The following KAZN variants were observed in gnomAD, a reference collection of about 807,000 sequenced individuals.
KAZN encodes the protein kazrin, periplakin interacting protein.
A neutral mutation model predicts 87.4 loss-of-function variants in KAZN; 40 were observed. The ratio of observed to expected loss-of-function variants is 0.46; its 90% CI spans 0.36 to 0.60. The LOEUF (loss-of-function observed/expected upper bound fraction) is 0.60, where lower values mean the gene tolerates loss of function less well. KAZN is among the 20% of genes least tolerant of loss of function. The probability of loss-of-function intolerance (pLI) is 0.00; values close to 1 mark genes in which losing one functional copy is unlikely to be tolerated. For missense variants in KAZN, 898 were observed against 1,073.9 expected (o/e 0.84, Z 2.29); for synonymous variants, 466 against 458.3 (o/e 1.02, Z -0.22).
intron 1 of KAZN, among the ~76,000 whole-genome samples, chr1:14,106,757 T>C (rs181010085): frequency 2.6e-5 from 4 of 152,296 alleles, no homozygotes; most frequent in Non-Finnish European, 4.4e-5. Context: ...TCCCAGAAGA[T>C]GTGAATGATA....
intron 1 of KAZN, among the ~76,000 whole-genome samples, chr1:14,834,697 G>A (rs144711652): frequency 0.011 from 1,703 of 152,254 alleles, 18 homozygotes; most frequent in Non-Finnish European, 0.016. Context: ...TTATGTGCTC[G>A]ACAAATTTGT....
At chr1:13,930,529 C>G (rs1386242120) in intron 1 of KAZN, among the ~76,000 whole-genome samples, 1 of 152,214 alleles carries the variant, frequency 6.6e-6, no homozygotes, top group Non-Finnish European at 1.5e-5. Context: ...GTCTCCCCTT[C>G]CATTGAGCAT....
At chr1:13,917,104 A>G (rs563618467) in intron 1 of KAZN, among the ~76,000 whole-genome samples, 1 of 152,324 alleles carries the variant, frequency 6.6e-6, no homozygotes, top group African/African-American at 2.4e-5. Context: ...GCACACGTGC[A>G]TGCATGCACG....
intron 1 of KAZN, among the ~76,000 whole-genome samples, chr1:14,123,656 C>T (rs574989533): frequency 4.2e-4 from 64 of 152,264 alleles, no homozygotes; most frequent in Non-Finnish European, 6.9e-4. Context: ...CCTGGATGGC[C>T]GCAATCACCT....
chr1:14,728,799 C>G (rs1643540341), intron 1 of KAZN, among the ~76,000 whole-genome samples: 1 of 152,164 alleles, frequency 6.6e-6, no homozygotes, highest in Non-Finnish European at 1.5e-5. Context: ...GTGAAGGCCT[C>G]CAGACCACAG....
chr1:14,593,165 C>T (rs1450323453), intron 2 of KAZN, among the ~76,000 whole-genome samples: 3 of 152,200 alleles, frequency 2.0e-5, no homozygotes, highest in Non-Finnish European at 4.4e-5. Flanking sequence ...AATAAGAGAA[C>T]TGTGAAAGTG....
At chr1:13,999,644 G>T (rs551329082) in intron 1 of KAZN, among the ~76,000 whole-genome samples, 1 of 152,176 alleles carries the variant, frequency 6.6e-6, no homozygotes, top group East Asian at 1.9e-4. Context: ...AATTTAAAGA[G>T]CTAGAGTGAA....
At chr1:14,588,895 G>C (rs1195321904) in intron 2 of KAZN, among the ~76,000 whole-genome samples, 2 of 152,174 alleles carry the variant, frequency 1.3e-5, no homozygotes, top group Non-Finnish European at 2.9e-5. Context: ...TTGTTTCAGA[G>C]CCTGGACAGG....
intron 2 of KAZN, among the ~76,000 whole-genome samples, chr1:14,217,808 T>A (rs1460558532): frequency 6.6e-6 from 1 of 152,060 alleles, no homozygotes; most frequent in African/African-American, 2.4e-5. Context: ...AAAGATCAAA[T>A]CACTTATAAT....
intron 1 of KAZN, among the ~76,000 whole-genome samples, chr1:14,890,743 G>A (rs540259874): frequency 4.7e-4 from 71 of 151,972 alleles, no homozygotes; most frequent in Non-Finnish European, 7.9e-4. Flanking sequence ...TGCCCAGGCA[G>A]GTCTCAAACT....
At chr1:14,657,717 G>A (rs982082190) in intron 1 of KAZN, among the ~76,000 whole-genome samples, 18 of 152,098 alleles carry the variant, frequency 1.2e-4, no homozygotes, top group Admixed American at 7.2e-4. Context: ...CTTGAGACAG[G>A]GACAAGTCCT....
At chr1:14,666,796 G>A (rs1025401721) in intron 1 of KAZN, among the ~76,000 whole-genome samples, 4 of 152,036 alleles carry the variant, frequency 2.6e-5, no homozygotes, top group African/African-American at 7.2e-5. Flanking sequence ...GGAGTGCAGT[G>A]GCATGGTCTT....
intron 2 of KAZN, among the ~76,000 whole-genome samples, chr1:14,359,350 CCTGAATACAGCACACTGATGGGTCTT>C (rs1312705168): frequency 6.6e-6 from 1 of 152,070 alleles, no homozygotes; most frequent in African/African-American, 2.4e-5. Flanking sequence ...AGATGGGTCT[CCTGAATACAGCACACTGATGGGTCTT>C]GACTCTTTAT....
At chr1:14,722,777 C>T (rs1643185566) in intron 1 of KAZN, among the ~76,000 whole-genome samples, 1 of 152,150 alleles carries the variant, frequency 6.6e-6, no homozygotes, top group African/African-American at 2.4e-5. Context: ...CCTAGATTCC[C>T]TTCCCCAGCC....
chr1:14,886,463 C>CAGAG (rs1553151165), intron 1 of KAZN, among the ~76,000 whole-genome samples: 26 of 135,992 alleles, frequency 1.9e-4, no homozygotes, highest in African/African-American at 6.5e-4. Context: ...CACACACACA[C>CAGAG]AGAGAGAGAC....
chr1:14,977,547 C>T (rs995323215), intron 2 of KAZN, among the ~76,000 whole-genome samples: 1 of 152,262 alleles, frequency 6.6e-6, no homozygotes, highest in Non-Finnish European at 1.5e-5. Flanking sequence ...GTGAGTGTCG[C>T]GCTCTGCTGC....
At chr1:14,537,626 A>C (rs868802) in intron 2 of KAZN, among the ~76,000 whole-genome samples, 67,399 of 151,832 alleles carry the variant, frequency 0.44, 15,309 homozygotes, top group Middle Eastern at 0.57. Flanking sequence ...TCCTGAAATG[A>C]GGATGATTAT....
intron 8 of KAZN, among the ~76,000 whole-genome samples, chr1:15,090,321 A>G (rs1273117784): frequency 6.6e-6 from 1 of 152,208 alleles, no homozygotes; most frequent in Non-Finnish European, 1.5e-5. Context: ...GCAGAATAAA[A>G]CAGAGTGAAG....
intron 1 of KAZN, among the ~76,000 whole-genome samples, chr1:14,757,799 C>T (rs1049673368): frequency 6.6e-5 from 10 of 152,120 alleles, no homozygotes; most frequent in Admixed American, 5.2e-4. Context: ...CTACATCTTG[C>T]GTATGGATTA....
Sources: allele counts gnomAD v4.1 joint callset (sites outside exome capture counted in the v4.1 genomes callset), GRCh38; gene constraint gnomAD v4.1.1; transcripts MANE v1.5; gene names NCBI Gene and HGNC (gene_info 2026-07-23, HGNC 2026-07-21).